CDH12: variants seen among roughly 807,000 people sequenced by gnomAD.
The protein encoded by CDH12 is cadherin-12.
Under a neutral mutation model 74.1 loss-of-function variants are expected in CDH12, and 41 were observed. The ratio of observed to expected loss-of-function variants is 0.55; its 90% CI spans 0.43 to 0.72. The LOEUF is 0.72. Among genes scored for constraint, CDH12 ranks in the 30% least tolerant of loss-of-function variants. CDH12 has a pLI of 0.00. For missense variants in CDH12, 945 were observed against 977.2 expected (o/e 0.97, Z 0.44); for synonymous variants, 399 against 355.0 (o/e 1.12, Z -1.39).
At chr5:22,791,965 T>C (rs1358530833) in intron 1 of CDH12, among the ~76,000 whole-genome samples, 1 of 152,168 alleles carries the variant, frequency 6.6e-6, no homozygotes, top group African/African-American at 2.4e-5. Context: ...AAAATTAACA[T>C]ACGTCTTCTC....
At chr5:22,599,377 G>A (rs1736744035) in intron 1 of CDH12, among the ~76,000 whole-genome samples, 1 of 152,154 alleles carries the variant, frequency 6.6e-6, no homozygotes, top group African/African-American at 2.4e-5. Context: ...AAAAGGAATA[G>A]CCTAGGTGAC....
intron 2 of CDH12, among the ~76,000 whole-genome samples, chr5:22,413,428 C>T (rs1743244168): frequency 6.6e-6 from 1 of 151,678 alleles, no homozygotes; most frequent in Admixed American, 6.6e-5. Context: ...GGACAAAAGC[C>T]GAAAATGCCA....
intron 3 of CDH12, among the ~76,000 whole-genome samples, chr5:22,354,254 A>C (rs1416854062): frequency 6.6e-6 from 1 of 152,218 alleles, no homozygotes; most frequent in Admixed American, 6.5e-5. Context: ...TAAGCACCAG[A>C]GACCTAGGCA....
At chr5:22,428,096 G>T (rs1453823105) in intron 2 of CDH12, among the ~76,000 whole-genome samples, 1 of 151,948 alleles carries the variant, frequency 6.6e-6, no homozygotes, top group Non-Finnish European at 1.5e-5. Flanking sequence ...CAAGCTCCAT[G>T]TATAACAGCT....
At chr5:22,425,665 T>C (rs904924417) in intron 2 of CDH12, among the ~76,000 whole-genome samples, 28 of 151,982 alleles carry the variant, frequency 1.8e-4, no homozygotes, top group Non-Finnish European at 4.0e-4. Context: ...TTTTTTCACA[T>C]GAAGAATGAT....
chr5:22,764,843 A>G (rs1461585092), intron 1 of CDH12, among the ~76,000 whole-genome samples: 2 of 152,122 alleles, frequency 1.3e-5, no homozygotes, highest in South Asian at 4.1e-4. Flanking sequence ...CAAAAATATC[A>G]AGATCATGAA....
intron 3 of CDH12, among the ~76,000 whole-genome samples, chr5:22,309,044 A>G (rs1401951898): frequency 6.6e-6 from 1 of 152,130 alleles, no homozygotes; most frequent in African/African-American, 2.4e-5. Flanking sequence ...ATTATGCAAC[A>G]AGACAGAACC....
intron 3 of CDH12, among the ~76,000 whole-genome samples, chr5:22,221,846 G>T (rs914584508): frequency 1.3e-5 from 2 of 151,872 alleles, no homozygotes; most frequent in African/African-American, 4.8e-5. Context: ...ATGTAAATTT[G>T]TTGTATATAA....
At chr5:21,775,274 T>C (rs1301997257) in intron 11 of CDH12, among the ~76,000 whole-genome samples, 1 of 152,228 alleles carries the variant, frequency 6.6e-6, no homozygotes, top group Non-Finnish European at 1.5e-5. Context: ...GTTAACTATA[T>C]AGTCACCCAG....
At chr5:21,978,673 C>T (rs1392940053) in intron 5 of CDH12, among the ~76,000 whole-genome samples, 1 of 151,982 alleles carries the variant, frequency 6.6e-6, no homozygotes, top group Non-Finnish European at 1.5e-5. Flanking sequence ...TAAATTTCTG[C>T]ATATTCATTC....
chr5:22,764,890 A>G (rs1018145752), intron 1 of CDH12, among the ~76,000 whole-genome samples: 4 of 152,002 alleles, frequency 2.6e-5, no homozygotes, highest in African/African-American at 9.7e-5. Context: ...TCAGATTAAG[A>G]TACATTAAAG....
chr5:22,089,241 A>G (rs1284636760), intron 4 of CDH12, among the ~76,000 whole-genome samples: 1 of 152,236 alleles, frequency 6.6e-6, no homozygotes, highest in East Asian at 1.9e-4. Context: ...AACAACCCCC[A>G]GGAAAGGGAC....
rs1184495080 is a variant in CDH12, at chr5:22,194,493, G to A, written c.-187+18005C>T. Among the ~76,000 whole-genome samples, 6 of 151,440 alleles carry A rather than the reference G, an allele frequency of 4.0e-5. No individual in the cohort carries two copies. In the East Asian group the frequency reaches 5.9e-4, roughly 15 times the overall value. ...ATTACAAGCGTCCGCCCCCATGCCC[G>A]CCTAATTTTTGTATTTTTAGTAGAG... On this transcript the variant is annotated intron_variant, in intron 4 of 14. Transcript: ENST00000382254.
chr5:22,629,345 C>T (rs886450521), intron 1 of CDH12, among the ~76,000 whole-genome samples: 1 of 151,944 alleles, frequency 6.6e-6, no homozygotes, highest in Admixed American at 6.6e-5. Flanking sequence ...TCTTGATGAA[C>T]ATAGAAGAAA....
chr5:22,078,728 G>A lies in CDH12; in HGVS notation c.-52C>T. 1 of 1,589,314 alleles carries A rather than the reference G, an allele frequency of 6.3e-7. No homozygotes were observed. ...AATAAAAACTCCAACACTTAACGTAGAATTGTGGAATCCAGGTTTGAGGTG... is the reference window on the plus strand; with the variant it reads ...AATAAAAACTCCAACACTTAACGTAAAATTGTGGAATCCAGGTTTGAGGTG... On this transcript the variant is annotated 5_prime_UTR_variant, in exon 5 of 15. Coordinates refer to ENST00000382254, the MANE Select transcript of CDH12 (RefSeq NM_004061.5).
intron 8 of CDH12, among the ~76,000 whole-genome samples, chr5:21,828,768 C>T (rs1365303572): frequency 6.6e-6 from 1 of 152,028 alleles, no homozygotes; most frequent in Non-Finnish European, 1.5e-5. Flanking sequence ...TTGTCTTCTA[C>T]TTTACATATT....
chr5:22,823,080 G>A (rs1447480450), intron 1 of CDH12, among the ~76,000 whole-genome samples: 1 of 152,042 alleles, frequency 6.6e-6, no homozygotes, highest in Non-Finnish European at 1.5e-5. Context: ...CATGTCCTTT[G>A]TAGGGACATG....
chr5:21,954,675 T>C (rs1336023850), intron 6 of CDH12, among the ~76,000 whole-genome samples: 1 of 152,066 alleles, frequency 6.6e-6, no homozygotes, highest in Non-Finnish European at 1.5e-5. Context: ...GCACAATAGA[T>C]GTTTAATGAG....
rs577758025 is a variant in CDH12, at chr5:22,625,730, T to C, written c.-522-120366A>G. Among the ~76,000 whole-genome samples, 4 of 152,266 alleles carry C rather than the reference T, an allele frequency of 2.6e-5. No homozygotes were observed. In the South Asian group the frequency reaches 8.3e-4, roughly 32 times the overall value. ...GCCCACGCATGCTTGCAGGGCATATTTGAATGCCCAAGCAGGGTGCTTCCT... is the reference window on the plus strand; with the variant it reads ...GCCCACGCATGCTTGCAGGGCATATCTGAATGCCCAAGCAGGGTGCTTCCT... On this transcript the variant is annotated intron_variant, in intron 1 of 14. Transcript: ENST00000382254.
Sources: gnomAD v4.1 joint callset for allele counts (sites outside exome capture counted in the v4.1 genomes callset) on GRCh38, gnomAD v4.1.1 for gene constraint, MANE v1.5 for transcripts, NCBI Gene and HGNC (gene_info 2026-07-23, HGNC 2026-07-21) for gene names.